Variants in CR2 observed in about 807,000 individuals in gnomAD.
CR2 encodes complement receptor type 2.
CR2 carries 96 observed loss-of-function variants against 123.0 expected under a neutral mutation model. The ratio of observed to expected loss-of-function variants is 0.78; its 90% CI spans 0.66 to 0.93. The LOEUF (loss-of-function observed/expected upper bound fraction) is 0.93, where lower values mean the gene tolerates loss of function less well. CR2 is among the 40% of genes least tolerant of loss of function. The pLI, the probability that CR2 is intolerant of heterozygous loss-of-function variation, is 0.00. For missense variants in CR2, 1,258 were observed against 1,361.0 expected (o/e 0.92, Z 1.19); for synonymous variants, 484 against 469.5 (o/e 1.03, Z -0.40).
intron 1 of CR2, among the ~76,000 whole-genome samples, chr1:207,462,238 T>C (rs1355262859): frequency 6.6e-6 from 1 of 152,162 alleles, no homozygotes; most frequent in African/African-American, 2.4e-5. Flanking sequence ...AACTCTTAAA[T>C]ATATATTGTA....
rs9429940 is a variant in CR2 at position 207,489,567 on chromosome 1, T to C, written c.*444T>C. ...AAGCATTTTCTGGGGTTATGATGGC[T>C]TTACCTTTATTAGGAAGTATGGTTT... On this transcript the variant is annotated 3_prime_UTR_variant, in exon 20 of 20. Transcript: ENST00000367057. 133,403 of 152,216 alleles carry C rather than the reference T, an allele frequency of 0.88. 58,527 individuals carry two copies. The highest frequency in any genetic ancestry group is 0.96 in the East Asian group (4,980 of 5,186). 9.4% of individuals were successfully genotyped at this position (152,216 alleles called of 1,614,324 possible).
At chr1:207,471,551 T>C (rs1489935919) in intron 9 of CR2, 52 bp downstream of exon 9, 10 of 1,305,994 alleles carry the variant, frequency 7.7e-6, no homozygotes, top group Admixed American at 1.7e-5. Flanking sequence ...TCTATACATT[T>C]CCTGGGAGAT....
intron 14 of CR2, 82 bp from the exon 15 acceptor site, chr1:207,476,152 C>T (rs2102308490): frequency 7.3e-7 from 1 of 1,364,908 alleles, no homozygotes; most frequent in East Asian, 2.3e-5. Context: ...TCTGGCCTTC[C>T]TGTATCGCTA....
At chr1:207,471,212 G>T in intron 8 of CR2, 125 bp downstream of exon 8, 1 of 1,017,470 alleles carries the variant, frequency 9.8e-7, no homozygotes, top group South Asian at 1.3e-5. Flanking sequence ...ATAGGTGCTT[G>T]CCTGTCACAT....
At chr1:207,469,060 G>A in intron 4 of CR2, 90 bp from the exon 5 acceptor site, 1 of 1,367,060 alleles carries the variant, frequency 7.3e-7, no homozygotes, top group South Asian at 1.2e-5. Flanking sequence ...CACACTGATT[G>A]AAATGAACTT....
chr1:207,488,997 T>C (rs757592926), intron 19 of CR2, 145 bp from the exon 20 acceptor site: 1 of 152,282 alleles, frequency 6.6e-6, no homozygotes, highest in Admixed American at 6.5e-5. Context: ...GGCCTTTCAA[T>C]AGAATGATAT....
At chr1:207,458,081 C>CACACACACATACACACACACACAT (rs1657883158) in intron 1 of CR2, among the ~76,000 whole-genome samples, 2 of 151,322 alleles carry the variant, frequency 1.3e-5, no homozygotes, top group Non-Finnish European at 3.0e-5. Context: ...CACACACACA[C>CACACACACATACACACACACACAT]ACACACACAC....
rs1269069283 is a variant in CR2, at chr1:207,472,785, A to G, written c.1584A>G (p.Pro528=). 1.2e-6 allele frequency: 2 copies of G among 1,613,792 alleles called. No homozygotes were observed. The highest frequency in any genetic ancestry group is 2.7e-5 in the African/African-American group (2 of 75,010). ...TCATCTCTCTAGAAATCACCTGCCCACCACCCCCTGTTATCTACAATGGGG... is the reference window on the plus strand; with the variant it reads ...TCATCTCTCTAGAAATCACCTGCCCGCCACCCCCTGTTATCTACAATGGGG... ...EIRLCKEITC[P]PPPVIYNGAH... is the part of the protein sequence containing the mutation. The change falls in exon 10 of 20, where the codon CCA becomes CCG. Residue 528 remains proline (P), a synonymous_variant. Coordinates refer to ENST00000367057, the MANE Select transcript of CR2 (RefSeq NM_001006658.3).
chr1:207,462,227 C>T (rs1372330875), intron 1 of CR2, among the ~76,000 whole-genome samples: 3 of 151,974 alleles, frequency 2.0e-5, no homozygotes, highest in Non-Finnish European at 4.4e-5. Context: ...TTGTAAAGGC[C>T]AACTCTTAAA....
intron 15 of CR2, among the ~76,000 whole-genome samples, chr1:207,477,176 G>A (rs759439225): frequency 6.6e-6 from 1 of 152,174 alleles, no homozygotes; most frequent in Non-Finnish European, 1.5e-5. Context: ...AGATTTAATG[G>A]ACTCACAGTT....
chr1:207,455,571 C>T (rs976775976), intron 1 of CR2, among the ~76,000 whole-genome samples: 2 of 152,224 alleles, frequency 1.3e-5, no homozygotes, highest in African/African-American at 2.4e-5. Context: ...GAATACAGCA[C>T]ATATTAGTTT....
In CR2 at chr1:207,479,259, T is replaced by G; in HGVS notation, c.3091T>G (p.Ser1031Ala). The change falls in exon 17 of 20, where the codon TCA (serine) becomes GCA (alanine). Residue 1031 changes from serine to alanine, a missense_variant and splice_region_variant. Coordinates refer to ENST00000367057, the MANE Select transcript of CR2 (RefSeq NM_001006658.3). Reference sequence around the variant, plus strand: ...TCATGATTTTGTACTATTTTTAGGTTCACTTGCTCCTGTCCTTTGTGGTAA... The same window carrying G: ...TCATGATTTTGTACTATTTTTAGGTGCACTTGCTCCTGTCCTTTGTGGTAA... ...NPPLAVCRSRSLAPVLCGIAA... is the reference protein window; with the variant it reads ...NPPLAVCRSRALAPVLCGIAA... 6.3e-7 allele frequency: 1 copy of G among 1,597,288 alleles called. No individual in the cohort carries two copies. The highest frequency in any genetic ancestry group is 8.6e-7 in the Non-Finnish European group (1 of 1,165,082).
intron 1 of CR2, among the ~76,000 whole-genome samples, chr1:207,465,525 A>G (rs1326196942): frequency 1.3e-5 from 2 of 152,204 alleles, no homozygotes; most frequent in African/African-American, 2.4e-5. Context: ...TCAGTTGAGT[A>G]TATATTATAC....
In CR2 at chr1:207,454,331, T is replaced by A; in HGVS notation, c.-88T>A. Reference sequence around the variant, plus strand: ...GGGCCCGCCTCTCCTGGCTCACAGCTGCTTGCTGCTCCAGCCTTGCCCTCC... The same window carrying A: ...GGGCCCGCCTCTCCTGGCTCACAGCAGCTTGCTGCTCCAGCCTTGCCCTCC... On this transcript the variant is annotated 5_prime_UTR_variant, in exon 1 of 20. Coordinates refer to ENST00000367057, the MANE Select transcript of CR2 (RefSeq NM_001006658.3). The surrounding 1 kb of genome is among the most constrained non-coding windows in gnomAD (Gnocchi z 4.3). 8.5e-7 allele frequency: 1 copy of A among 1,174,258 alleles called. No homozygotes were observed. The allele number at this position is 1,174,258 out of a possible 1,614,324, so 72.7% of individuals were successfully genotyped here. A position where few individuals can be genotyped will look rare whatever the true frequency, so the allele number is the denominator to read the frequency against.
intron 10 of CR2, 97 bp downstream of exon 10, chr1:207,473,276 G>A: frequency 2.8e-6 from 4 of 1,416,910 alleles, no homozygotes; most frequent in Non-Finnish European, 3.9e-6. Flanking sequence ...GAGGCAAGAG[G>A]GGCACAGATT....
At chr1:207,473,920 T>C in intron 12 of CR2, 35 bp downstream of exon 12, 1 of 1,591,378 alleles carries the variant, frequency 6.3e-7, no homozygotes, top group Non-Finnish European at 8.6e-7. Flanking sequence ...AGAAAAGGTC[T>C]CAACCTTGTT....
At chr1:207,479,159 A>C in intron 16 of CR2, 98 bp from the exon 17 acceptor site, 1 of 919,592 alleles carries the variant, frequency 1.1e-6, no homozygotes, top group African/African-American at 1.6e-5. Flanking sequence ...GAAGGGAGCT[A>C]GAGTGTTGAT....
intron 1 of CR2, among the ~76,000 whole-genome samples, chr1:207,464,984 G>A (rs1249821153): frequency 6.6e-6 from 1 of 152,194 alleles, no homozygotes; most frequent in East Asian, 1.9e-4. Flanking sequence ...AGGCTGGAGT[G>A]CAATGGCGTG....
At position 207,466,509 on chromosome 1, in the gene CR2, C is replaced by T. The variant is rs1658101421; in HGVS notation, c.59-17C>T. On this transcript the variant is annotated splice_polypyrimidine_tract_variant and intron_variant, in intron 1 of 19. Transcript: ENST00000367057. ...CCATGATCAGTATGCCTACCAAGTT[C>T]CTTTTCTACTTTTCAGGGATTTCTT... is the stretch of plus-strand genomic sequence containing the variant. 1 of 1,613,902 alleles carries T rather than the reference C, an allele frequency of 6.2e-7. No homozygotes were observed. The highest frequency in any genetic ancestry group is 8.5e-7 in the Non-Finnish European group (1 of 1,179,876).
Sources: gnomAD v4.1 joint callset for allele counts (sites outside exome capture counted in the v4.1 genomes callset) on GRCh38, gnomAD v4.1.1 for gene constraint, Gnocchi (gnomAD v3.1) non-coding constraint, MANE v1.5 for transcripts, NCBI Gene and HGNC (gene_info 2026-07-23, HGNC 2026-07-21) for gene names.